TRNT1: variants seen among roughly 807,000 people sequenced by gnomAD.
The protein encoded by TRNT1 is tRNA nucleotidyl transferase 1, also known as CCA tRNA nucleotidyltransferase 1, mitochondrial.
Under a neutral mutation model 45.6 loss-of-function variants are expected in TRNT1, and 44 were observed. That is an observed-to-expected ratio of 0.97 (90% CI 0.76 to 1.24). The LOEUF is 1.24. Ranked by LOEUF, TRNT1 falls within the 50% of genes most tolerant of loss-of-function variation. TRNT1 has a pLI of 0.00. For missense variants in TRNT1, 633 were observed against 504.4 expected (o/e 1.25, Z -2.44); for synonymous variants, 201 against 171.4 (o/e 1.17, Z -1.35).
rs755138290 is a variant in TRNT1 at position 3,144,580 on chromosome 3, A to T, written c.482-4A>T. 2 of 1,574,338 alleles carry T rather than the reference A, an allele frequency of 1.3e-6. No homozygotes were observed. The highest frequency in any genetic ancestry group is 1.7e-6 in the Non-Finnish European group (2 of 1,159,402). ...ATTTTTCTCCCTCCTTTTCTAATGA[A>T]TAGGTTTTGATGGCACTTTATTTGA... is the stretch of plus-strand genomic sequence containing the variant. On this transcript the variant is annotated splice_region_variant and splice_polypyrimidine_tract_variant and intron_variant, in intron 4 of 7. Coordinates refer to ENST00000251607, the MANE Select transcript of TRNT1 (RefSeq NM_182916.3).
At chr3:3,133,911 G>A (rs918087745) in intron 2 of TRNT1, among the ~76,000 whole-genome samples, 2 of 151,794 alleles carry the variant, frequency 1.3e-5, no homozygotes, top group Non-Finnish European at 2.9e-5. Context: ...AGCTGTAAAG[G>A]GAAGACGTTC....
chr3:3,140,294 A>C (rs1705564941), intron 3 of TRNT1, among the ~76,000 whole-genome samples: 2 of 56,682 alleles, frequency 3.5e-5, no homozygotes, highest in Non-Finnish European at 1.1e-4. Flanking sequence ...ATCATGATGG[A>C]TTTTTTTTAA....
At chr3:3,134,217 A>C (rs887581380) in intron 2 of TRNT1, among the ~76,000 whole-genome samples, 1 of 152,174 alleles carries the variant, frequency 6.6e-6, no homozygotes, top group Non-Finnish European at 1.5e-5. Context: ...TGTTTCTGTA[A>C]GATTGAAGAT....
At chr3:3,142,089 T>A (rs1705689570) in intron 4 of TRNT1, among the ~76,000 whole-genome samples, 1 of 152,212 alleles carries the variant, frequency 6.6e-6, no homozygotes, top group African/African-American at 2.4e-5. Context: ...CATTTTTCTC[T>A]CAGTTAATGT....
rs769331677 is a variant in TRNT1 at position 3,147,641 on chromosome 3, GATTT to G, written c.996_999del (p.Asp332GlufsTer11). The G allele has an allele frequency of 3.7e-6, 6 of 1,613,622 alleles. No homozygotes were observed. The Admixed American group carries it at 8.3e-5, about 22-fold the overall frequency. ...CTTATTTATAGTTAAAAATAGGAAA[GATTT>G]AATTAAAGCAACAGATAGTTCAGAC... On this transcript the variant is annotated frameshift_variant, in exon 7 of 8. Transcript: ENST00000251607. LOFTEE classifies it high-confidence loss of function.
downstream of TRNT1, chr3:3,153,413 A>AT (rs1706725592): frequency 1.4e-6 from 2 of 1,427,908 alleles, no homozygotes; most frequent in Non-Finnish European, 2.0e-6. Flanking sequence ...AAAACGTAAT[A>AT]AAGACCTTAC....
downstream of TRNT1, chr3:3,151,040 G>A (rs1260121935): frequency 1.9e-6 from 3 of 1,613,628 alleles, no homozygotes; most frequent in Admixed American, 3.3e-5. Context: ...AACAGTCCAG[G>A]CATACCTAAG....
intron 3 of TRNT1, 27 bp from the exon 4 acceptor site, chr3:3,140,483 A>G: frequency 6.2e-7 from 1 of 1,603,714 alleles, no homozygotes; most frequent in Non-Finnish European, 8.5e-7. Context: ...TTAAATGACA[A>G]CAAAAACCCC....
intron 2 of TRNT1, among the ~76,000 whole-genome samples, chr3:3,136,297 A>G (rs187657842): frequency 2.0e-5 from 3 of 152,316 alleles, no homozygotes; most frequent in Non-Finnish European, 2.9e-5. Flanking sequence ...CCTGGATGCC[A>G]TTCTCACTAG....
intron 2 of TRNT1, among the ~76,000 whole-genome samples, chr3:3,134,719 T>G (rs963561146): frequency 6.6e-6 from 1 of 152,198 alleles, no homozygotes; most frequent in African/African-American, 2.4e-5. Flanking sequence ...GTCATTCTTT[T>G]TTTTAATAGT....
chr3:3,133,380 C>T (rs374029781), intron 2 of TRNT1, among the ~76,000 whole-genome samples: 1 of 152,058 alleles, frequency 6.6e-6, no homozygotes, highest in Non-Finnish European at 1.5e-5. Flanking sequence ...ATAGTGAAAT[C>T]CCATCTGTAC....
chr3:3,128,423 C>T (rs561221007), intron 1 of TRNT1, among the ~76,000 whole-genome samples: 12 of 151,954 alleles, frequency 7.9e-5, no homozygotes, highest in African/African-American at 2.9e-4. Flanking sequence ...GTGGTAAAAC[C>T]CCGTCTCTAC....
chr3:3,147,344 C>G lies in TRNT1; in HGVS notation c.803-106C>G, dbSNP rs1192227613. On this transcript the variant is annotated intron_variant, in intron 6 of 7. Coordinates refer to ENST00000251607, the MANE Select transcript of TRNT1 (RefSeq NM_182916.3). Reference sequence around the variant, plus strand: ...ATCAGACTGAACCTATATAATGTATCCTAGTGACAAAGCATTTCTGGATAC... The same window carrying G: ...ATCAGACTGAACCTATATAATGTATGCTAGTGACAAAGCATTTCTGGATAC... 11 of 1,277,830 alleles carry G rather than the reference C, an allele frequency of 8.6e-6. No individual in the cohort carries two copies. The Admixed American group carries it at 2.1e-4, about 25-fold the overall frequency. 79.2% of individuals were successfully genotyped at this position (1,277,830 alleles called of 1,614,324 possible).
intron 3 of TRNT1, among the ~76,000 whole-genome samples, chr3:3,139,782 C>T (rs892587970): frequency 6.6e-6 from 1 of 152,108 alleles, no homozygotes; most frequent in African/African-American, 2.4e-5. Flanking sequence ...GGCTGGAGTG[C>T]ACAGTGTGAT....
chr3:3,146,504 A>G lies in TRNT1; in HGVS notation c.683A>G (p.Lys228Arg), dbSNP rs765604552. The change falls in exon 6 of 8, where the codon AAA becomes AGA. Residue 228 changes from lysine to arginine, a missense_variant. Physicochemically the swap from Lys to Arg is conservative, Grantham distance 26 (BLOSUM62 2). Coordinates refer to ENST00000251607, the MANE Select transcript of TRNT1 (RefSeq NM_182916.3). The part of the protein sequence containing the change: ...ETLEAIAENA[K>R]GLAGISGERI... ...TTGGAAGCAATTGCAGAAAATGCAA[A>G]AGGCTTGGCTGGAATATCAGGAGAA... is the stretch of plus-strand genomic sequence containing the variant. 1 of 1,614,084 alleles carries G rather than the reference A, an allele frequency of 6.2e-7. No homozygotes were observed. The highest frequency in any genetic ancestry group is 2.2e-5 in the East Asian group (1 of 44,862).
At chr3:3,152,377 C>T, downstream of TRNT1, 1 of 1,432,814 alleles carries the variant, frequency 7.0e-7, no homozygotes, top group Non-Finnish European at 9.6e-7. Flanking sequence ...ATTGTGGCAA[C>T]TCTGCTTAGG....
At chr3:3,147,341 T>A in intron 6 of TRNT1, 109 bp from the exon 7 acceptor site, 1 of 1,242,634 alleles carries the variant, frequency 8.0e-7, no homozygotes. Context: ...CTATATAATG[T>A]ATCCTAGTGA....
chr3:3,140,415 C>T, intron 3 of TRNT1, 95 bp from the exon 4 acceptor site: 1 of 1,235,566 alleles, frequency 8.1e-7, no homozygotes, highest in African/African-American at 1.5e-5. Context: ...CTTATAGTAC[C>T]ATCCCTTTAT....
rs551230833 is a variant in TRNT1 at position 3,137,285 on chromosome 3, A to G, written c.174A>G (p.Glu58=). 1 of 1,595,072 alleles carries G rather than the reference A, an allele frequency of 6.3e-7. No homozygotes were observed. The highest frequency in any genetic ancestry group is 1.4e-5 in the African/African-American group (1 of 73,904). ...AATTATTTGTCAAAGAGAATCACGA[A>G]TTAAGAATAGCAGGAGGAGCAGTGA... The part of the protein sequence containing the change: ...LTELFVKENH[E]LRIAGGAVRD... Residue 58 remains glutamate (E), a synonymous_variant, in exon 3 of 8, where the codon GAA becomes GAG. Transcript: ENST00000251607.
Sources: gnomAD v4.1 joint callset for allele counts (sites outside exome capture counted in the v4.1 genomes callset) on GRCh38, gnomAD v4.1.1 for gene constraint, MANE v1.5 for transcripts, NCBI Gene and HGNC (gene_info 2026-07-23, HGNC 2026-07-21) for gene names.